The following APPL2 variants were observed in gnomAD, a reference collection of about 807,000 sequenced individuals.
APPL2 encodes the protein adaptor protein, phosphotyrosine interacting with PH domain and leucine zipper 2.
APPL2 carries 84 observed loss-of-function variants against 92.7 expected under a neutral mutation model. That is an observed-to-expected ratio of 0.91 (90% CI 0.76 to 1.09). The LOEUF (loss-of-function observed/expected upper bound fraction) is 1.09. Among genes scored for constraint, APPL2 ranks in the 50% least tolerant of loss-of-function variants. The pLI, the probability that APPL2 is intolerant of heterozygous loss-of-function variation, is 0.00. For synonymous variants in APPL2, 291 were observed against 291.0 expected, an observed-to-expected ratio of 1.00 and a Z score of 0.00; for missense variants, 736 against 824.5, an observed-to-expected ratio of 0.89 and a Z score of 1.31.
chr12:105,188,569 C>T, intron 16 of APPL2, 122 bp from the exon 17 acceptor site: 1 of 926,502 alleles, frequency 1.1e-6, no homozygotes, highest in Non-Finnish European at 1.6e-6. Flanking sequence ...CAAAATTTCT[C>T]AATACCACTT....
intron 4 of APPL2, among the ~76,000 whole-genome samples, chr12:105,212,754 G>A (rs1057131718): frequency 1.4e-4 from 21 of 152,182 alleles, no homozygotes; most frequent in African/African-American, 4.6e-4. Flanking sequence ...TGGCAGTCAC[G>A]CATATTCATC....
chr12:105,188,359 C>A lies in APPL2; in HGVS notation c.1548G>T (p.Ala516=). ...TDSTTEVIYE[A]MRQVLAARAI... Reference sequence around the variant, plus strand: ...CCCGAGCAGCCAATACTTGTCTCATCGCTTCATAAATCACTTCAGTAGTGC... The same window carrying A: ...CCCGAGCAGCCAATACTTGTCTCATAGCTTCATAAATCACTTCAGTAGTGC... The change falls in exon 17 of 21, where the codon GCG becomes GCT. Residue 516 remains alanine (A), a synonymous_variant. Coordinates refer to ENST00000258530, the MANE Select transcript of APPL2 (RefSeq NM_018171.5). 1.9e-6 allele frequency: 3 copies of A among 1,614,176 alleles called. No individual in the cohort carries two copies. The highest frequency in any genetic ancestry group is 2.5e-6 in the Non-Finnish European group (3 of 1,179,998).
chr12:105,226,223 AAAACG>A (rs1203047900), intron 2 of APPL2, among the ~76,000 whole-genome samples: 1 of 152,262 alleles, frequency 6.6e-6, no homozygotes, highest in Non-Finnish European at 1.5e-5. Flanking sequence ...AATTAAAAAC[AAAACG>A]AAACACCTAA....
chr12:105,183,553 A>C (rs187165366), intron 17 of APPL2, among the ~76,000 whole-genome samples: 8 of 152,270 alleles, frequency 5.3e-5, no homozygotes, highest in African/African-American at 1.4e-4. Context: ...TGGGTTGAAA[A>C]TTCTTTTCCT....
At chr12:105,217,566 T>C in intron 3 of APPL2, 100 bp downstream of exon 3, 3 of 1,165,942 alleles carry the variant, frequency 2.6e-6, no homozygotes, top group Non-Finnish European at 1.2e-6. Flanking sequence ...ATGAAGAAAA[T>C]GAAACAAATA....
rs553727890 is a variant in APPL2 at position 105,208,175 on chromosome 12, A to T, written c.398T>A (p.Phe133Tyr). The T allele has an allele frequency of 1.1e-4, 182 of 1,614,220 alleles. 3 individuals carry two copies. In the South Asian group the frequency reaches 1.8e-3, roughly 16 times the overall value. The change falls in exon 6 of 21, where the codon TTT becomes TAT. Residue 133 changes from phenylalanine (F) to tyrosine (Y), a missense_variant. Coordinates refer to ENST00000258530, the MANE Select transcript of APPL2 (RefSeq NM_018171.5). ...LTEVSTLKDL[F>Y]GLASNEHDLS... is the part of the protein sequence containing the mutation. ...GTGCCTACCATTGCTAGCGAGTCCAAATAGATCCTTTAAAGTGCTTACTTC... is the reference window on the plus strand; with the variant it reads ...GTGCCTACCATTGCTAGCGAGTCCATATAGATCCTTTAAAGTGCTTACTTC...
chr12:105,194,887 A>AT (rs932245156), intron 14 of APPL2, among the ~76,000 whole-genome samples: 16 of 151,232 alleles, frequency 1.1e-4, no homozygotes, highest in South Asian at 4.2e-4. Context: ...ATAAAAGGCG[A>AT]TTTTTTTTTC....
intron 4 of APPL2, among the ~76,000 whole-genome samples, chr12:105,212,152 C>T (rs185895440): frequency 4.2e-4 from 63 of 149,596 alleles, no homozygotes; most frequent in Admixed American, 6.7e-4. Context: ...ATACTTCCTA[C>T]CAAAACAACT....
At chr12:105,202,225 AG>A (rs1355675046) in intron 9 of APPL2, among the ~76,000 whole-genome samples, 1 of 152,220 alleles carries the variant, frequency 6.6e-6, no homozygotes, top group Non-Finnish European at 1.5e-5. Context: ...TCACAGAACC[AG>A]CCCCAGCCTG....
At chr12:105,178,848 A>G (rs1055618924) in intron 17 of APPL2, among the ~76,000 whole-genome samples, 1 of 152,252 alleles carries the variant, frequency 6.6e-6, no homozygotes, top group Non-Finnish European at 1.5e-5. Flanking sequence ...TTGAATATAG[A>G]TCATAAACAG....
At position 105,199,467 on chromosome 12, in the gene APPL2, C is replaced by A; in HGVS notation, c.769G>T (p.Val257Phe). 6.2e-7 allele frequency: 1 copy of A among 1,614,148 alleles called. No homozygotes were observed. The highest frequency in any genetic ancestry group is 8.5e-7 in the Non-Finnish European group (1 of 1,180,032). The change falls in exon 10 of 21, where the codon GTT becomes TTT. Residue 257 changes from valine (V) to phenylalanine (F), a missense_variant. Coordinates refer to ENST00000258530, the MANE Select transcript of APPL2 (RefSeq NM_018171.5). ...MRVSQQELLS[V>F]DESVYTPDSD... ...TCTGGAGTGTAAACAGATTCATCAA[C>A]AGAAAGTAATTCTTGCTGGGACACC...
chr12:105,207,115 C>A lies in APPL2; in HGVS notation c.567G>T (p.Gln189His). Residue 189 changes from glutamine to histidine, a missense_variant, in exon 8 of 21, where the codon CAG becomes CAT. Physicochemically the swap from Gln to His is conservative, Grantham distance 24. Transcript: ENST00000258530. ...LQYYCALNAL[Q>H]YRKQMAMMEP... ...CCATCATGGCCATTTGCTTTCTGTA[C>A]TGCAGCGCGTTGAGGGCACAGTAGT... is the stretch of plus-strand genomic sequence containing the variant. The A allele has an allele frequency of 6.2e-7, 1 of 1,614,220 alleles. No individual in the cohort carries two copies. The highest frequency in any genetic ancestry group is 8.5e-7 in the Non-Finnish European group (1 of 1,180,038).
At chr12:105,229,762 C>T in intron 1 of APPL2, 1 of 987,760 alleles carries the variant, frequency 1.0e-6, no homozygotes, top group Non-Finnish European at 1.2e-6. Flanking sequence ...ACTACGATTT[C>T]CTTGTTTCTT....
intron 20 of APPL2, 121 bp downstream of exon 20, chr12:105,175,914 G>A (rs1885495467): frequency 1.0e-6 from 1 of 963,910 alleles, no homozygotes. Flanking sequence ...CTTTTAAAAG[G>A]AAATCCCAAA....
At chr12:105,221,475 G>A (rs1240771002) in intron 2 of APPL2, among the ~76,000 whole-genome samples, 2 of 152,148 alleles carry the variant, frequency 1.3e-5, no homozygotes, top group Non-Finnish European at 2.9e-5. Context: ...TGCAGGACTC[G>A]AAATCAAAAG....
At chr12:105,228,915 G>A (rs2136089600) in intron 2 of APPL2, among the ~76,000 whole-genome samples, 1 of 152,292 alleles carries the variant, frequency 6.6e-6, no homozygotes, top group Non-Finnish European at 1.5e-5. Flanking sequence ...ATCTCTAATG[G>A]TTCTAATTAA....
At chr12:105,218,311 A>C (rs1889849291) in intron 2 of APPL2, among the ~76,000 whole-genome samples, 1 of 152,248 alleles carries the variant, frequency 6.6e-6, no homozygotes, top group African/African-American at 2.4e-5. Flanking sequence ...CCTTCTGGTC[A>C]GTCAGTCCAT....
At chr12:105,213,626 T>G (rs754620703) in intron 4 of APPL2, among the ~76,000 whole-genome samples, 2 of 152,238 alleles carry the variant, frequency 1.3e-5, no homozygotes, top group Non-Finnish European at 1.5e-5. Context: ...ATGGAAGATC[T>G]CATTCCAACG....
chr12:105,198,250 A>G (rs1887842290), intron 10 of APPL2, among the ~76,000 whole-genome samples: 1 of 152,160 alleles, frequency 6.6e-6, no homozygotes, highest in African/African-American at 2.4e-5. Context: ...AATGAGTCCG[A>G]CACCATTAAG....
Sources: allele counts gnomAD v4.1 joint callset (sites outside exome capture counted in the v4.1 genomes callset), GRCh38; gene constraint gnomAD v4.1.1; transcripts MANE v1.5; gene names NCBI Gene and HGNC (gene_info 2026-07-23, HGNC 2026-07-21).